PALM2AKAP2: variants seen among roughly 807,000 people sequenced by gnomAD.
PALM2AKAP2 encodes PALM2-AKAP2 fusion protein.
In PALM2AKAP2, 37 loss-of-function variants were observed where a neutral mutation model predicts 71.5. That is an observed-to-expected ratio of 0.52 (90% confidence interval 0.40 to 0.68). The LOEUF (loss-of-function observed/expected upper bound fraction) is 0.68. PALM2AKAP2 is among the 30% of genes least tolerant of loss of function. The pLI, the probability that PALM2AKAP2 is intolerant of heterozygous loss-of-function variation, is 0.00. For missense variants in PALM2AKAP2, 1,224 were observed against 1,191.8 expected, an observed-to-expected ratio of 1.03 and a Z score of -0.40; for synonymous variants, 468 against 478.8, an observed-to-expected ratio of 0.98 and a Z score of 0.29.
At chr9:109,956,354 AT>A (rs939614732) in intron 6 of PALM2AKAP2, among the ~76,000 whole-genome samples, 23 of 152,036 alleles carry the variant, frequency 1.5e-4, no homozygotes, top group Admixed American at 6.6e-4. Flanking sequence ...ATTAAAAAAA[AT>A]ATTTCCAAGT....
chr9:109,796,161 A>C (rs1827246476), intron 1 of PALM2AKAP2, among the ~76,000 whole-genome samples: 1 of 152,232 alleles, frequency 6.6e-6, no homozygotes, highest in African/African-American at 2.4e-5. Context: ...GTCGCTTTTC[A>C]GAATAGTGCT....
At chr9:109,955,625 A>C (rs1831732602) in intron 6 of PALM2AKAP2, among the ~76,000 whole-genome samples, 1 of 148,598 alleles carries the variant, frequency 6.7e-6, no homozygotes, top group South Asian at 2.2e-4. Flanking sequence ...GTAGAATACT[A>C]CTATTCTGTA....
chr9:110,081,625 G>A lies in PALM2AKAP2; in HGVS notation c.156+32770G>A, dbSNP rs1588096339. On this transcript the variant is annotated intron_variant, in intron 1 of 3. Coordinates refer to ENST00000374525, the Ensembl canonical transcript of PALM2AKAP2. ...AAGAATTCTTAGAGGTGAGCCAGTC[G>A]AGGCCCCAGCACCCGCTTCCCAAAG... Among the ~76,000 whole-genome samples, 4 of 152,146 alleles carry A rather than the reference G, an allele frequency of 2.6e-5. 1 individual carries two copies. The highest frequency in any genetic ancestry group is 4.8e-5 in the African/African-American group (2 of 41,516).
intron 3 of PALM2AKAP2, among the ~76,000 whole-genome samples, chr9:109,904,990 C>T (rs78498206): frequency 0.024 from 3,579 of 152,238 alleles, 53 homozygotes; most frequent in Admixed American, 0.034. Flanking sequence ...TTGATCCCTG[C>T]GTGTGAATCA....
intron 6 of PALM2AKAP2, chr9:109,946,410 G>A (rs1831506020): frequency 6.6e-6 from 1 of 152,018 alleles, no homozygotes; most frequent in Admixed American, 6.5e-5. Flanking sequence ...TAATCAGGCC[G>A]AGTGCAGCGG....
rs535050017 is a variant in PALM2AKAP2 at position 110,099,604 on chromosome 9, A to G, written c.157-36523A>G. Among the ~76,000 whole-genome samples the G allele has an allele frequency of 4.6e-5, 7 of 152,302 alleles. No individual in the cohort carries two copies. The South Asian group carries it at 1.5e-3, about 32-fold the overall frequency. On this transcript the variant is annotated intron_variant, in intron 1 of 3. Coordinates refer to ENST00000374525, the Ensembl canonical transcript of PALM2AKAP2. The stretch of plus-strand genomic sequence containing the variant: ...CCTAGCAGATGGGTGGCATTACCTC[A>G]CTGACATTTAATGAATAGGTTGCCC...
At chr9:109,848,293 G>C (rs1023345269) in intron 1 of PALM2AKAP2, among the ~76,000 whole-genome samples, 1 of 152,230 alleles carries the variant, frequency 6.6e-6, no homozygotes, top group Non-Finnish European at 1.5e-5. Flanking sequence ...CATCAGCACT[G>C]TCTGGTGGAG....
intron 2 of PALM2AKAP2, among the ~76,000 whole-genome samples, chr9:110,145,003 C>A (rs982012876): frequency 6.6e-6 from 1 of 152,112 alleles, no homozygotes; most frequent in South Asian, 2.1e-4. Flanking sequence ...ATTTGTTGAG[C>A]CTGCTCTATG....
At chr9:110,116,794 G>C (rs1356137134) in intron 1 of PALM2AKAP2, among the ~76,000 whole-genome samples, 1 of 152,060 alleles carries the variant, frequency 6.6e-6, no homozygotes, top group African/African-American at 2.4e-5. Flanking sequence ...GCTGTGTAGA[G>C]TGAGAGTACT....
chr9:109,868,291 G>T (rs1278180917), intron 2 of PALM2AKAP2, among the ~76,000 whole-genome samples: 1 of 152,184 alleles, frequency 6.6e-6, no homozygotes, highest in Admixed American at 6.5e-5. Flanking sequence ...CTCTGTCACT[G>T]TCACAAGGAC....
intron 1 of PALM2AKAP2, among the ~76,000 whole-genome samples, chr9:109,791,031 C>A (rs1447839893): frequency 1.3e-5 from 2 of 152,256 alleles, no homozygotes; most frequent in African/African-American, 4.8e-5. Context: ...ATAAAACTCA[C>A]CACAAAACCC....
rs116295005 is a variant in PALM2AKAP2, at chr9:110,109,301, G to T, written c.157-26826G>T. Among the ~76,000 whole-genome samples the T allele has an allele frequency of 2.7e-3, 302 of 112,226 alleles. 2 individuals are homozygous for T. Among genetic ancestry groups the T allele is most frequent in the African/African-American group, 0.01 (294 of 28,604 alleles). The allele number at this position is 112,226 out of a possible 152,430, so 73.6% of individuals were successfully genotyped here. ...CATTGTACTCCAGCCTGGGCAACAA[G>T]AGGGAATCTTTGTCTCCAAAAAAAA... On this transcript the variant is annotated intron_variant, in intron 1 of 3. Coordinates refer to ENST00000374525, the Ensembl canonical transcript of PALM2AKAP2.
At chr9:109,844,930 GA>G (rs964187416) in intron 1 of PALM2AKAP2, among the ~76,000 whole-genome samples, 5 of 61,010 alleles carry the variant, frequency 8.2e-5, no homozygotes, top group African/African-American at 4.2e-4. Flanking sequence ...GCCAGAAAAT[GA>G]TGTGTGTGTG....
At chr9:110,019,714 A>G (rs1046192524) in intron 7 of PALM2AKAP2, among the ~76,000 whole-genome samples, 1 of 152,232 alleles carries the variant, frequency 6.6e-6, no homozygotes, top group Non-Finnish European at 1.5e-5. Flanking sequence ...CAAATACTGC[A>G]TGTTCTCCCT....
intron 7 of PALM2AKAP2, among the ~76,000 whole-genome samples, chr9:110,018,314 A>G (rs1564263042): frequency 6.6e-6 from 1 of 152,136 alleles, no homozygotes; most frequent in Non-Finnish European, 1.5e-5. Context: ...TAAATAGTTG[A>G]GCAAAATAGA....
intron 2 of PALM2AKAP2, among the ~76,000 whole-genome samples, chr9:109,875,716 T>A (rs1829706663): frequency 6.6e-6 from 1 of 152,190 alleles, no homozygotes; most frequent in African/African-American, 2.4e-5. Flanking sequence ...TTAGAGAATC[T>A]GCATCTCCAT....
chr9:109,738,058 G>C (rs1021302010), intron 1 of PALM2AKAP2, among the ~76,000 whole-genome samples: 2 of 152,072 alleles, frequency 1.3e-5, no homozygotes, highest in African/African-American at 4.8e-5. Context: ...AGTGTTCCTG[G>C]TACCAATATT....
rs1414383924 is a variant in PALM2AKAP2, at chr9:109,801,889, A to G, written c.45+21356A>G. Among the ~76,000 whole-genome samples the G allele has an allele frequency of 2.6e-5, 4 of 152,318 alleles. No individual in the cohort carries two copies. In the East Asian group the frequency reaches 7.7e-4, roughly 29 times the overall value. ...TGGGCCAGCAAGCAGCTCTAGTCTC[A>G]CAAAGCCTTTTCCTGGACTAATGAG... On this transcript the variant is annotated intron_variant, in intron 1 of 9. Transcript: ENST00000302798.
At chr9:110,137,216 C>T (rs376308694) in exon 2 of PALM2AKAP2, 61 of 1,614,148 alleles carry the variant, frequency 3.8e-5, no homozygotes, top group Admixed American at 6.7e-5. Context: ...CTCTGCTGCT[C>T]GCAAACAATT....
Sources: allele counts gnomAD v4.1 joint callset (sites outside exome capture counted in the v4.1 genomes callset), GRCh38; gene constraint gnomAD v4.1.1; transcripts MANE v1.5; gene names NCBI Gene and HGNC (gene_info 2026-07-23, HGNC 2026-07-21).